The following FAM83D variants were observed in gnomAD, a reference collection of about 807,000 sequenced individuals.
FAM83D encodes protein FAM83D.
A neutral mutation model predicts 25.4 loss-of-function variants in FAM83D; 26 were observed. That is an observed-to-expected ratio of 1.02 (90% CI 0.75 to 1.42). The LOEUF is 1.42. Ranked by LOEUF, FAM83D falls within the 40% of genes most tolerant of loss-of-function variation. FAM83D has a pLI of 0.00. For synonymous variants in FAM83D, 310 were observed against 318.5 expected, an observed-to-expected ratio of 0.97 and a Z score of 0.28; for missense variants, 740 against 758.1, an observed-to-expected ratio of 0.98 and a Z score of 0.28.
At chr20:38,931,347 A>G (rs1296138818) in intron 1 of FAM83D, among the ~76,000 whole-genome samples, 2 of 152,232 alleles carry the variant, frequency 1.3e-5, no homozygotes, top group Non-Finnish European at 2.9e-5. Flanking sequence ...TCATGATGCC[A>G]GGAGAACATA....
chr20:38,945,515 A>C (rs985326410), intron 2 of FAM83D, among the ~76,000 whole-genome samples: 1 of 152,216 alleles, frequency 6.6e-6, no homozygotes, highest in Non-Finnish European at 1.5e-5. Context: ...TACAAACCTC[A>C]GTACAAATAA....
rs987126176 is a variant in FAM83D at position 38,926,657 on chromosome 20, C to G, written c.215C>G (p.Ala72Gly). 4.6e-6 allele frequency: 7 copies of G among 1,534,986 alleles called. No homozygotes were observed. In the African/African-American group the frequency reaches 9.7e-5, roughly 21 times the overall value. ...PDEVHAILRA[A>G]ERPGEEGAAA... is the part of the protein sequence containing the mutation. ...GAGGTGCACGCCATTCTGCGCGCGG[C>G]GGAGAGGCCGGGAGAGGAGGGCGCG... The change falls in exon 1 of 4, where the codon GCG becomes GGG. Residue 72 changes from alanine to glycine, a missense_variant. Around this residue, in one of 3 missense-constraint regions of FAM83D, gnomAD observed 333 missense variants for 298.6 expected, o/e 1.12. Transcript: ENST00000619850.
At chr20:38,928,380 AG>A (rs2085645287) in intron 1 of FAM83D, among the ~76,000 whole-genome samples, 1 of 152,116 alleles carries the variant, frequency 6.6e-6, no homozygotes, top group African/African-American at 2.4e-5. Flanking sequence ...CTTGCCTTTG[AG>A]GGAGTGGTTG....
At chr20:38,951,368 G>A (rs1023032781) in intron 3 of FAM83D, among the ~76,000 whole-genome samples, 171 bp from the exon 4 acceptor site, 1 of 152,192 alleles carries the variant, frequency 6.6e-6, no homozygotes, top group African/African-American at 2.4e-5. Context: ...ACACATAAAT[G>A]TTATATATGT....
intron 1 of FAM83D, among the ~76,000 whole-genome samples, chr20:38,932,699 C>T (rs1206575218): frequency 6.6e-6 from 1 of 152,220 alleles, no homozygotes; most frequent in African/African-American, 2.4e-5. Flanking sequence ...GCTACATAGC[C>T]TCATTTTGGC....
At chr20:38,933,887 G>T (rs149658781) in intron 1 of FAM83D, among the ~76,000 whole-genome samples, 4 of 147,700 alleles carry the variant, frequency 2.7e-5, no homozygotes, top group Non-Finnish European at 5.9e-5. Context: ...TGAGAGTCTC[G>T]CTCTGTCGCC....
chr20:38,926,952 C>T (rs1438784274), intron 1 of FAM83D, 27 bp downstream of exon 1: 2 of 1,413,082 alleles, frequency 1.4e-6, no homozygotes. Flanking sequence ...GGCCCTGGGT[C>T]GCACGGGAGA....
At chr20:38,939,228 G>C (rs573606665) in intron 1 of FAM83D, among the ~76,000 whole-genome samples, 1 of 152,100 alleles carries the variant, frequency 6.6e-6, no homozygotes, top group African/African-American at 2.4e-5. Flanking sequence ...TTTTGTCCTT[G>C]TGCTTCAGCT....
At chr20:38,934,354 G>A (rs1346304692) in intron 1 of FAM83D, among the ~76,000 whole-genome samples, 1 of 152,146 alleles carries the variant, frequency 6.6e-6, no homozygotes, top group Non-Finnish European at 1.5e-5. Flanking sequence ...TTAGCTGGTT[G>A]TGGTGGTACA....
In FAM83D at chr20:38,926,470, G is replaced by A. The variant is rs771111401; in HGVS notation, c.28G>A (p.Glu10Lys). The A allele has an allele frequency of 1.8e-5, 28 of 1,597,316 alleles. No individual in the cohort carries two copies. Among genetic ancestry groups the A allele is most frequent in the Non-Finnish European group, 2.4e-5 (28 of 1,178,494 alleles). Residue 10 changes from glutamate (E) to lysine (K), a missense_variant, in exon 1 of 4, where the codon GAG becomes AAG. Physicochemically the swap from Glu to Lys is moderately conservative, Grantham distance 56. Around this residue, in one of 3 missense-constraint regions of FAM83D, gnomAD observed 333 missense variants for 298.6 expected, o/e 1.12. Transcript: ENST00000619850. ...GGCTCTGCTGTCCGAGGGCCTGGAC[G>A]AGGTGCCCGCCGCCTGCCTGTCGCC... MALLSEGLD[E>K]VPAACLSPCG...
intron 1 of FAM83D, among the ~76,000 whole-genome samples, chr20:38,927,498 C>CTTTTTT (rs1173092369): frequency 1.8e-4 from 18 of 101,412 alleles, no homozygotes; most frequent in Middle Eastern, 6.3e-3. Flanking sequence ...TCTTTCTTGT[C>CTTTTTT]TTTTTTTTTT....
At chr20:38,945,332 C>T (rs530720871) in intron 2 of FAM83D, among the ~76,000 whole-genome samples, 7 of 152,296 alleles carry the variant, frequency 4.6e-5, no homozygotes, top group Admixed American at 3.3e-4. Flanking sequence ...TCATCACCTC[C>T]TCCAGGAAGC....
intron 1 of FAM83D, among the ~76,000 whole-genome samples, chr20:38,940,964 G>A (rs2085699559): frequency 6.6e-6 from 1 of 152,176 alleles, no homozygotes; most frequent in African/African-American, 2.4e-5. Flanking sequence ...CTATTTTGCA[G>A]CTAAGGAAAC....
Position 38,926,422 on chromosome 20 carries a change from C to A in FAM83D, c.-21C>A. On this transcript the variant is annotated 5_prime_UTR_variant, in exon 1 of 4. It adds an upstream start codon to the 5' untranslated region. Transcript: ENST00000619850. ...CTGCACGCCGGTTTTTGTCCGAGGG[C>A]TGTCGAGTCCGAGCGCCGCCATGGC... 1.3e-6 allele frequency: 2 copies of A among 1,597,164 alleles called. No individual in the cohort carries two copies. The highest frequency in any genetic ancestry group is 1.7e-6 in the Non-Finnish European group (2 of 1,178,332).
At chr20:38,940,785 G>A (rs1007673377) in intron 1 of FAM83D, among the ~76,000 whole-genome samples, 1 of 152,196 alleles carries the variant, frequency 6.6e-6, no homozygotes, top group African/African-American at 2.4e-5. Flanking sequence ...ATTGTGGCAG[G>A]AGCAGCCTGT....
intron 2 of FAM83D, among the ~76,000 whole-genome samples, chr20:38,946,525 A>G (rs1425429819): frequency 6.6e-6 from 1 of 152,200 alleles, no homozygotes. Flanking sequence ...GCATATCCAG[A>G]CAGAAGTTTC....
At chr20:38,947,243 AC>A (rs1431399878) in intron 2 of FAM83D, among the ~76,000 whole-genome samples, 4 of 152,208 alleles carry the variant, frequency 2.6e-5, no homozygotes, top group Non-Finnish European at 5.9e-5. Context: ...GCATACCACT[AC>A]CAGTGTACGT....
Position 38,952,167 on chromosome 20 carries a change from G to C in FAM83D, c.1405G>C (p.Val469Leu). 1 of 1,614,178 alleles carries C rather than the reference G, an allele frequency of 6.2e-7. No individual in the cohort carries two copies. The highest frequency in any genetic ancestry group is 8.5e-7 in the Non-Finnish European group (1 of 1,180,034). ...AGGGTCACCAGTCTCAAAAATGTCT[G>C]TATCGAGATCTTCCAGTTTGAAGTC... is the stretch of plus-strand genomic sequence containing the variant. Reference protein sequence around the residue: ...TEGSPVSKMSVSRSSSLKSSS... With the variant: ...TEGSPVSKMSLSRSSSLKSSS... Residue 469 changes from valine (V) to leucine (L), a missense_variant, in exon 4 of 4, where the codon GTA (valine) becomes CTA (leucine). Around this residue, in one of 3 missense-constraint regions of FAM83D, gnomAD observed 375 missense variants for 403.2 expected, o/e 0.93. Transcript: ENST00000619850.
At chr20:38,935,326 T>C (rs2085674315) in intron 1 of FAM83D, among the ~76,000 whole-genome samples, 1 of 152,258 alleles carries the variant, frequency 6.6e-6, no homozygotes, top group Non-Finnish European at 1.5e-5. Context: ...CATGCTGGAA[T>C]AGTACAGAGT....
Sources: gnomAD v4.1 joint callset for allele counts (sites outside exome capture counted in the v4.1 genomes callset) on GRCh38, gnomAD v4.1.1 for gene constraint, gnomAD v4.1.1 regional missense constraint, MANE v1.5 for transcripts, NCBI Gene and HGNC (gene_info 2026-07-23, HGNC 2026-07-21) for gene names.